Variants in CPNE1 observed in about 807,000 individuals in gnomAD.
CPNE1 encodes copine-1.
CPNE1 carries 58 observed loss-of-function variants against 63.2 expected under a neutral mutation model. The observed-to-expected ratio is 0.92, with a 90% CI of 0.74 to 1.14. The LOEUF is 1.14. CPNE1 is among the 50% of genes most tolerant of loss of function. CPNE1 has a pLI of 0.00. For missense variants in CPNE1, 672 were observed against 661.7 expected (o/e 1.02, Z -0.17); for synonymous variants, 237 against 249.0 (o/e 0.95, Z 0.45).
At chr20:35,653,686 GCA>G in intron 1 of CPNE1, 2 of 1,614,150 alleles carry the variant, frequency 1.2e-6, no homozygotes, top group Non-Finnish European at 1.7e-6. Flanking sequence ...TGTTATGTGG[GCA>G]CAGACTTTGG....
chr20:35,654,192 G>C (rs758454131), intron 1 of CPNE1: 1 of 1,614,076 alleles, frequency 6.2e-7, no homozygotes, highest in Non-Finnish European at 8.5e-7. Context: ...GTCTTTCTGT[G>C]GCAGGGCTAA....
chr20:35,634,004 G>GT (rs1489488908), intron 1 of CPNE1, among the ~76,000 whole-genome samples: 2 of 147,320 alleles, frequency 1.4e-5, no homozygotes, highest in African/African-American at 5.0e-5. Flanking sequence ...GCTCAAGCCT[G>GT]TAATCCCAGC....
At chr20:35,639,812 G>C (rs766928514) in intron 1 of CPNE1, among the ~76,000 whole-genome samples, 1 of 152,212 alleles carries the variant, frequency 6.6e-6, no homozygotes, top group Non-Finnish European at 1.5e-5. Context: ...CTTGGTCTGG[G>C]CCAAACACGT....
chr20:35,642,695 G>A (rs1568922637), intron 1 of CPNE1, among the ~76,000 whole-genome samples: 1 of 152,124 alleles, frequency 6.6e-6, no homozygotes. Flanking sequence ...TTCCTCACAG[G>A]TCACAAACTG....
In CPNE1 at chr20:35,626,221, G is replaced by A; in HGVS notation, c.*20C>T. 2 of 1,614,010 alleles carry A rather than the reference G, an allele frequency of 1.2e-6. No individual in the cohort carries two copies. The highest frequency in any genetic ancestry group is 1.7e-6 in the Non-Finnish European group (2 of 1,179,898). On this transcript the variant is annotated 3_prime_UTR_variant, in exon 16 of 16. Coordinates refer to ENST00000397443, the MANE Select transcript of CPNE1 (RefSeq NM_152925.3). The stretch of plus-strand genomic sequence containing the variant: ...CTCTGGGACACAGGATTGAGGACTT[G>A]CCACAGCCTCCAAGGGAACCTAGGC...
intron 1 of CPNE1, chr20:35,654,231 T>G: frequency 6.2e-7 from 1 of 1,614,250 alleles, no homozygotes; most frequent in Non-Finnish European, 8.5e-7. Context: ...TCATCAGCAT[T>G]CTGTTTCGTT....
chr20:35,662,435 T>C (rs1240294857), intron 1 of CPNE1, among the ~76,000 whole-genome samples: 3 of 152,224 alleles, frequency 2.0e-5, no homozygotes, highest in African/African-American at 7.2e-5. Flanking sequence ...TAGATAAAAT[T>C]ATCTTTTCTG....
Position 35,630,753 on chromosome 20 carries a change from G to T in CPNE1, c.1038C>A (p.Pro346=). The change falls in exon 12 of 16, where the codon CCC becomes CCA. Residue 346 remains proline, a synonymous_variant. Transcript: ENST00000397443. The stretch of plus-strand genomic sequence containing the variant: ...AGAGGGAGCTCACCTGCCAGTCAGG[G>T]GGAACCTGGGCCCCAAATCCAAATG... ...FPAFGFGAQV[P]PDWQVSHEFA... is the part of the protein sequence containing the mutation. The T allele has an allele frequency of 6.2e-7, 1 of 1,614,008 alleles. No homozygotes were observed. Among genetic ancestry groups the T allele is most frequent in the Non-Finnish European group, 8.5e-7 (1 of 1,179,932 alleles).
In CPNE1 at chr20:35,634,678, C is replaced by T. The variant is rs773921125; in HGVS notation, c.1-1755G>A. ...GGTCCAGATTTCTTTAACCTGATCT[C>T]GGAGTGTCTCTCTTGCTCACTCCAT... On this transcript the variant is annotated intron_variant, in intron 1 of 15. Transcript: ENST00000397443. Among the ~76,000 whole-genome samples the T allele has an allele frequency of 2.6e-5, 4 of 152,156 alleles. 1 individual carries two copies. Among genetic ancestry groups the T allele is most frequent in the South Asian group, 4.2e-4 (2 of 4,818 alleles).
chr20:35,640,965 G>T (rs1407951890), intron 1 of CPNE1, among the ~76,000 whole-genome samples: 1 of 152,172 alleles, frequency 6.6e-6, no homozygotes, highest in Non-Finnish European at 1.5e-5. Flanking sequence ...GTTGCGAATG[G>T]AACAGCTGAG....
intron 1 of CPNE1, among the ~76,000 whole-genome samples, chr20:35,637,923 C>T (rs552881017): frequency 6.6e-6 from 1 of 152,288 alleles, no homozygotes; most frequent in South Asian, 2.1e-4. Flanking sequence ...CTCTGTCTCC[C>T]TCCTTATACA....
chr20:35,654,615 G>C, intron 1 of CPNE1: 1 of 1,614,192 alleles, frequency 6.2e-7, no homozygotes, highest in Non-Finnish European at 8.5e-7. Flanking sequence ...GTGGCAGTGG[G>C]GTCATGGGTG....
chr20:35,649,863 TA>T (rs2033382913), intron 1 of CPNE1: 1 of 152,172 alleles, frequency 6.6e-6, no homozygotes, highest in Non-Finnish European at 1.5e-5. Context: ...AATTTACACA[TA>T]AAATTGAAAA....
In CPNE1 at chr20:35,639,850, G is replaced by A. The variant is rs140550309; in HGVS notation, c.1-6927C>T. On this transcript the variant is annotated intron_variant, in intron 1 of 15. Transcript: ENST00000397443. ...AGTGGGCTACTATTATCATCTTCCT[G>A]TGTAGGCCTCAATTTCTGGTGGACT... Among the ~76,000 whole-genome samples, 330 of 152,276 alleles carry A rather than the reference G, an allele frequency of 2.2e-3. 4 individuals carry two copies. Among genetic ancestry groups the A allele is most frequent in the African/African-American group, 7.7e-3 (319 of 41,526 alleles).
At chr20:35,652,512 T>C (rs1298282578) in intron 1 of CPNE1, 2 of 1,599,558 alleles carry the variant, frequency 1.3e-6, no homozygotes, top group African/African-American at 2.7e-5. Flanking sequence ...CTATAAAAAA[T>C]GATGTGAATG....
intron 13 of CPNE1, among the ~76,000 whole-genome samples, chr20:35,629,707 T>G (rs903546616): frequency 6.6e-6 from 1 of 151,554 alleles, no homozygotes; most frequent in East Asian, 1.9e-4. Context: ...GGCTGGAGTA[T>G]AGTGGCATGA....
chr20:35,656,969 A>T (rs2033938838), intron 1 of CPNE1, among the ~76,000 whole-genome samples: 1 of 152,248 alleles, frequency 6.6e-6, no homozygotes, highest in Non-Finnish European at 1.5e-5. Context: ...ATTGTCAAAT[A>T]TTATATAAAT....
chr20:35,633,373 C>A (rs921068939), intron 1 of CPNE1, among the ~76,000 whole-genome samples: 2 of 152,206 alleles, frequency 1.3e-5, no homozygotes, highest in African/African-American at 4.8e-5. Flanking sequence ...CAGATAATAT[C>A]CTCCACAAAT....
At chr20:35,631,093 G>A (rs201951268) in intron 10 of CPNE1, 21 bp downstream of exon 10, 52 of 1,614,044 alleles carry the variant, frequency 3.2e-5, no homozygotes, top group Non-Finnish European at 4.3e-5. Context: ...CTGTTCTCTT[G>A]CCCTTGGTAA....
Sources: allele counts gnomAD v4.1 joint callset (sites outside exome capture counted in the v4.1 genomes callset), GRCh38; gene constraint gnomAD v4.1.1; transcripts MANE v1.5; gene names NCBI Gene and HGNC (gene_info 2026-07-23, HGNC 2026-07-21).